The following TRPM7 variants were observed in gnomAD, a reference collection of about 807,000 sequenced individuals.
The protein encoded by TRPM7 is transient receptor potential cation channel subfamily M member 7, also known as LTRPC ion channel family member 7.
A neutral mutation model predicts 229.7 loss-of-function variants in TRPM7; 134 were observed. The observed-to-expected ratio is 0.58, with a 90% confidence interval of 0.51 to 0.67. The LOEUF is 0.67. TRPM7 is among the 30% of genes least tolerant of loss of function. The probability of loss-of-function intolerance (pLI) is 0.00; values close to 1 mark genes in which losing one functional copy is unlikely to be tolerated. For synonymous variants in TRPM7, 699 were observed against 715.2 expected, an observed-to-expected ratio of 0.98 and a Z score of 0.36; for missense variants, 1,901 against 2,210.0, an observed-to-expected ratio of 0.86 and a Z score of 2.80.
At chr15:50,657,127 C>T (rs2061595443) in intron 3 of TRPM7, among the ~76,000 whole-genome samples, 1 of 152,138 alleles carries the variant, frequency 6.6e-6, no homozygotes, top group African/African-American at 2.4e-5. Flanking sequence ...AATTCAAGAC[C>T]AGCCTGGCCA....
intron 17 of TRPM7, among the ~76,000 whole-genome samples, 183 bp from the exon 18 acceptor site, chr15:50,610,144 G>A (rs1415858980): frequency 3.9e-5 from 6 of 152,012 alleles, no homozygotes. Flanking sequence ...TGTATTTAAA[G>A]AGGCCCAAGT....
intron 3 of TRPM7, among the ~76,000 whole-genome samples, chr15:50,650,457 A>G (rs1596306198): frequency 6.6e-6 from 1 of 151,868 alleles, no homozygotes; most frequent in Non-Finnish European, 1.5e-5. Context: ...CACCTTGGGA[A>G]GCCAAGGTGG....
At chr15:50,594,339 G>T in intron 24 of TRPM7, 90 bp downstream of exon 24, 1 of 1,216,286 alleles carries the variant, frequency 8.2e-7, no homozygotes, top group Non-Finnish European at 1.2e-6. Context: ...AATCCACTAA[G>T]TCATTTTTGA....
chr15:50,634,134 C>A (rs757059265), intron 8 of TRPM7, among the ~76,000 whole-genome samples: 5 of 151,934 alleles, frequency 3.3e-5, no homozygotes, highest in Non-Finnish European at 7.4e-5. Context: ...GCCTGCCCAA[C>A]ACAGTGAAAC....
chr15:50,598,594 C>T (rs2059692455), intron 22 of TRPM7, among the ~76,000 whole-genome samples: 1 of 152,178 alleles, frequency 6.6e-6, no homozygotes, highest in African/African-American at 2.4e-5. Flanking sequence ...ATCCCATCCC[C>T]CTTGTCTGTA....
At chr15:50,623,482 G>GC (rs1327050529) in intron 12 of TRPM7, among the ~76,000 whole-genome samples, 8 of 107,336 alleles carry the variant, frequency 7.5e-5, no homozygotes, top group South Asian at 3.2e-4. Context: ...TCTTATTGCT[G>GC]CCCCGCCCCC....
rs35178604 is a variant in TRPM7 at position 50,643,110 on chromosome 15, G to A, written c.535+230C>T. 0.078 allele frequency among the ~76,000 whole-genome samples: 11,810 copies of A among 152,122 alleles called. 563 individuals are homozygous for A. Among genetic ancestry groups the A allele is most frequent in the South Asian group, 0.12 (588 of 4,826 alleles). On this transcript the variant is annotated intron_variant, in intron 5 of 38. Transcript: ENST00000646667. Reference sequence around the variant, plus strand: ...TCGAGACCAGCCTGACCAATATGGTGAAACCTCGTCTCTACTAAAAATACA... The same window carrying A: ...TCGAGACCAGCCTGACCAATATGGTAAAACCTCGTCTCTACTAAAAATACA...
rs561105051 is a variant in TRPM7, at chr15:50,558,466, G to A, written c.*3212C>T. ...CCAGTACTTTGGGTAGCCGGGGGAG[G>A]TGGATCACTTGAGGTCAGGAGTTTG... On this transcript the variant is annotated 3_prime_UTR_variant, in exon 39 of 39. Transcript: ENST00000646667. The A allele has an allele frequency of 6.6e-6, 1 of 152,342 alleles. No individual in the cohort carries two copies. The highest frequency in any genetic ancestry group is 1.9e-4 in the East Asian group (1 of 5,180). The allele number at this position is 152,342 out of a possible 1,614,324, so 9.4% of individuals were successfully genotyped here.
chr15:50,651,693 A>C (rs1354516283), intron 3 of TRPM7, among the ~76,000 whole-genome samples: 2 of 152,072 alleles, frequency 1.3e-5, no homozygotes, highest in Admixed American at 1.3e-4. Context: ...TATGAGCATG[A>C]TGAAGACCAA....
At chr15:50,678,327 T>TCAACATGCCTGCCAAGGGTGAC (rs1253370500) in intron 1 of TRPM7, among the ~76,000 whole-genome samples, 4 of 149,878 alleles carry the variant, frequency 2.7e-5, no homozygotes, top group Middle Eastern at 3.5e-3. Context: ...TGTACATGGG[T>TCAACATGCCTGCCAAGGGTGAC]CAACATGCCT....
Position 50,637,518 on chromosome 15 carries a change from T to C in TRPM7, c.736A>G (p.Ile246Val). 1 of 1,614,104 alleles carries C rather than the reference T, an allele frequency of 6.2e-7. No individual in the cohort carries two copies. Residue 246 changes from isoleucine (I) to valine (V), a missense_variant, in exon 7 of 39, where the codon ATA (isoleucine) becomes GTA (valine). Ile to Val is a conservative substitution (Grantham distance 29). Transcript: ENST00000646667. ...CCAACAGTGCCATCATCCACCAATA[T>C]GAAATGGGAATGCAGATTATTCAAA... ...NVLNNLHSHFILVDDGTVGKY... is the reference protein window; with the variant it reads ...NVLNNLHSHFVLVDDGTVGKY...
At chr15:50,578,491 G>C (rs975678789) in intron 31 of TRPM7, 148 bp downstream of exon 31, 6 of 515,484 alleles carry the variant, frequency 1.2e-5, no homozygotes, top group African/African-American at 1.2e-4. Context: ...ACAGTAAGGA[G>C]AAAGTATATG....
At chr15:50,648,999 A>G (rs953439649) in intron 3 of TRPM7, 114 bp from the exon 4 acceptor site, 74 of 691,596 alleles carry the variant, frequency 1.1e-4, no homozygotes, top group African/African-American at 8.4e-4. Flanking sequence ...TATATTTTAT[A>G]TAAGTATAAA....
intron 1 of TRPM7, among the ~76,000 whole-genome samples, chr15:50,669,040 T>C (rs1276813795): frequency 6.6e-6 from 1 of 152,164 alleles, no homozygotes; most frequent in East Asian, 1.9e-4. Context: ...AGAATGTCAC[T>C]TTTTGACAGG....
chr15:50,634,955 T>A (rs2060844416), intron 7 of TRPM7, among the ~76,000 whole-genome samples: 1 of 152,212 alleles, frequency 6.6e-6, no homozygotes, highest in Non-Finnish European at 1.5e-5. Context: ...GTTGAACTTC[T>A]AACATTGATT....
chr15:50,631,228 T>C (rs1454206212), intron 10 of TRPM7, among the ~76,000 whole-genome samples, 189 bp downstream of exon 10: 1 of 152,166 alleles, frequency 6.6e-6, no homozygotes, highest in East Asian at 1.9e-4. Flanking sequence ...AAATTAAAAG[T>C]TACCTTGCCG....
intron 33 of TRPM7, among the ~76,000 whole-genome samples, chr15:50,575,418 G>C (rs569512823): frequency 5.3e-4 from 81 of 152,248 alleles, no homozygotes; most frequent in Non-Finnish European, 9.6e-4. Context: ...ATTAAACTTA[G>C]AAGTTAGAGC....
At chr15:50,607,885 G>GAAA (rs758254672) in intron 19 of TRPM7, among the ~76,000 whole-genome samples, 2 of 109,268 alleles carry the variant, frequency 1.8e-5, no homozygotes, top group Non-Finnish European at 3.7e-5. Context: ...CATCTCTACT[G>GAAA]AAAAAAAAAA....
At chr15:50,676,389 C>T (rs2062094264) in intron 1 of TRPM7, among the ~76,000 whole-genome samples, 1 of 151,840 alleles carries the variant, frequency 6.6e-6, no homozygotes, top group Non-Finnish European at 1.5e-5. Context: ...ATTAGGCTAA[C>T]CATCCCTCAG....
Sources: gnomAD v4.1 joint callset for allele counts (sites outside exome capture counted in the v4.1 genomes callset) on GRCh38, gnomAD v4.1.1 for gene constraint, MANE v1.5 for transcripts, NCBI Gene and HGNC (gene_info 2026-07-23, HGNC 2026-07-21) for gene names.